The following GNAQ variants were observed in gnomAD, a reference collection of about 807,000 sequenced individuals.
GNAQ encodes the protein G protein subunit alpha q, also known as guanine nucleotide-binding protein G(q) subunit alpha.
GNAQ carries 8 observed loss-of-function variants against 43.9 expected under a neutral mutation model. That is an observed-to-expected ratio of 0.18 (90% confidence interval 0.11 to 0.33). The LOEUF (loss-of-function observed/expected upper bound fraction) is 0.33. Among genes scored for constraint, GNAQ ranks in the 10% least tolerant of loss-of-function variants. The pLI, the probability that GNAQ is intolerant of heterozygous loss-of-function variation, is 1.00. For synonymous variants in GNAQ, 155 were observed against 170.7 expected (o/e 0.91, Z 0.71); for missense variants, 158 against 450.8 (o/e 0.35, Z 5.88).
At chr9:77,926,774 G>A (rs1468382089) in intron 1 of GNAQ, among the ~76,000 whole-genome samples, 1 of 152,004 alleles carries the variant, frequency 6.6e-6, no homozygotes, top group Admixed American at 6.6e-5. Context: ...GTACCTTCAG[G>A]CAAGTACTCT....
At chr9:77,832,393 T>C (rs1212033251) in intron 2 of GNAQ, among the ~76,000 whole-genome samples, 1 of 152,156 alleles carries the variant, frequency 6.6e-6, no homozygotes, top group Non-Finnish European at 1.5e-5. Context: ...TGTACTATGC[T>C]GAGCTCCTAC....
At chr9:77,980,239 T>C (rs1478683926) in intron 1 of GNAQ, among the ~76,000 whole-genome samples, 1 of 152,174 alleles carries the variant, frequency 6.6e-6, no homozygotes, top group Non-Finnish European at 1.5e-5. Context: ...GATGTGTATA[T>C]AGCAAAAAGC....
intron 2 of GNAQ, among the ~76,000 whole-genome samples, chr9:77,919,167 G>A (rs542484081): frequency 1.8e-4 from 27 of 152,240 alleles, no homozygotes; most frequent in East Asian, 5.8e-4. Flanking sequence ...CTACCAGCCC[G>A]CCTTAGCCTC....
At chr9:77,738,497 T>A (rs975536228) in intron 5 of GNAQ, among the ~76,000 whole-genome samples, 1 of 152,208 alleles carries the variant, frequency 6.6e-6, no homozygotes, top group Non-Finnish European at 1.5e-5. Flanking sequence ...AGAAAAAAGT[T>A]CCCATAGTTG....
chr9:77,830,369 A>C (rs939481405), intron 2 of GNAQ, among the ~76,000 whole-genome samples: 1 of 152,314 alleles, frequency 6.6e-6, no homozygotes, highest in African/African-American at 2.4e-5. Context: ...AAACCTATGC[A>C]TATAACCTGA....
intron 5 of GNAQ, among the ~76,000 whole-genome samples, chr9:77,765,638 A>G (rs1033194211): frequency 6.6e-6 from 1 of 152,254 alleles, no homozygotes. Flanking sequence ...GAGAAACTGG[A>G]ACTCTTGTAC....
intron 1 of GNAQ, among the ~76,000 whole-genome samples, chr9:78,018,671 C>T (rs936673823): frequency 6.6e-6 from 1 of 152,014 alleles, no homozygotes; most frequent in Admixed American, 6.5e-5. Flanking sequence ...TTTCTCCTTA[C>T]CAAACTTTTT....
intron 2 of GNAQ, among the ~76,000 whole-genome samples, chr9:77,851,524 T>C (rs1404350914): frequency 1.3e-5 from 2 of 152,206 alleles, no homozygotes; most frequent in Non-Finnish European, 2.9e-5. Flanking sequence ...ACCCAATCAC[T>C]GGGACAGGTA....
At chr9:77,756,466 C>A (rs1825905377) in intron 5 of GNAQ, among the ~76,000 whole-genome samples, 1 of 152,208 alleles carries the variant, frequency 6.6e-6, no homozygotes, top group Non-Finnish European at 1.5e-5. Context: ...AAATGACTTC[C>A]AGCAAGACTC....
At chr9:77,868,293 T>C (rs1463942136) in intron 2 of GNAQ, among the ~76,000 whole-genome samples, 1 of 152,214 alleles carries the variant, frequency 6.6e-6, no homozygotes, top group Non-Finnish European at 1.5e-5. Flanking sequence ...TCACATTTTG[T>C]ACATGTGCAA....
At chr9:77,994,954 G>A (rs868571965) in intron 1 of GNAQ, among the ~76,000 whole-genome samples, 1 of 152,178 alleles carries the variant, frequency 6.6e-6, no homozygotes, top group African/African-American at 2.4e-5. Context: ...GGGTTGGTAA[G>A]CACCTACCTA....
In GNAQ at chr9:77,717,850, A is replaced by C. The variant is rs1474471545; in HGVS notation, c.*3473T>G. On this transcript the variant is annotated 3_prime_UTR_variant, in exon 7 of 7. Coordinates refer to ENST00000286548, the MANE Select transcript of GNAQ (RefSeq NM_002072.5). ...TTTTTCCAGTCTATTCATGACATTC[A>C]ACAGAGCTCTTTATATGGAAATGTT... 1 of 232,464 alleles carries C rather than the reference A, an allele frequency of 4.3e-6. No homozygotes were observed. Among genetic ancestry groups the C allele is most frequent in the East Asian group, 6.1e-5 (1 of 16,460 alleles). The allele number at this position is 232,464 out of a possible 1,614,324, so 14.4% of individuals were successfully genotyped here.
intron 2 of GNAQ, among the ~76,000 whole-genome samples, chr9:77,908,529 C>T (rs1248769264): frequency 6.6e-6 from 1 of 152,208 alleles, no homozygotes; most frequent in African/African-American, 2.4e-5. Context: ...TTAGTAGACA[C>T]TGACTATGTT....
chr9:77,927,828 C>G (rs75428760), intron 1 of GNAQ, among the ~76,000 whole-genome samples: 1 of 152,092 alleles, frequency 6.6e-6, no homozygotes, highest in Non-Finnish European at 1.5e-5. Context: ...TGGGAAGGCT[C>G]AGGACGAATG....
chr9:77,803,688 G>T (rs1826782708), intron 3 of GNAQ, among the ~76,000 whole-genome samples: 1 of 152,084 alleles, frequency 6.6e-6, no homozygotes, highest in Non-Finnish European at 1.5e-5. Flanking sequence ...GGGAAATAAG[G>T]GTTACATAAA....
In GNAQ at chr9:77,988,730, A is replaced by G. The variant is rs1310798994; in HGVS notation, c.136+42370T>C. ...TTATAGAAGACTCAAGGCTTTGTCA[A>G]ACACATGTTATAAAAGGTCAATGAA... On this transcript the variant is annotated intron_variant, in intron 1 of 6. Transcript: ENST00000286548. Among the ~76,000 whole-genome samples, 10 of 152,336 alleles carry G rather than the reference A, an allele frequency of 6.6e-5. No individual in the cohort carries two copies. The South Asian group carries it at 1.7e-3, about 25-fold the overall frequency.
chr9:77,873,832 G>A (rs535918778), intron 2 of GNAQ, among the ~76,000 whole-genome samples: 44 of 152,294 alleles, frequency 2.9e-4, no homozygotes, highest in Admixed American at 5.9e-4. Flanking sequence ...TTTGCCGGGC[G>A]CGGTGGCTCA....
chr9:77,758,349 T>C (rs890440624), intron 5 of GNAQ, among the ~76,000 whole-genome samples: 1 of 152,248 alleles, frequency 6.6e-6, no homozygotes, highest in African/African-American at 2.4e-5. Context: ...GAAAGCCTTG[T>C]ACAACATCAC....
chr9:77,911,364 C>T (rs1040143477), intron 2 of GNAQ, among the ~76,000 whole-genome samples: 6 of 152,112 alleles, frequency 3.9e-5, no homozygotes, highest in Non-Finnish European at 2.9e-5. Context: ...TGTGTGTATA[C>T]GTGTGTATGT....
Sources: gnomAD v4.1 joint callset for allele counts (sites outside exome capture counted in the v4.1 genomes callset) on GRCh38, gnomAD v4.1.1 for gene constraint, MANE v1.5 for transcripts, NCBI Gene and HGNC (gene_info 2026-07-23, HGNC 2026-07-21) for gene names.